Variants in NOTCH2 observed in about 807,000 individuals in gnomAD.
NOTCH2 encodes the protein notch receptor 2.
Under a neutral mutation model 235.8 loss-of-function variants are expected in NOTCH2, and 29 were observed. That is an observed-to-expected ratio of 0.12 (90% CI 0.09 to 0.17). The LOEUF (loss-of-function observed/expected upper bound fraction) is 0.17, where lower values mean the gene tolerates loss of function less well. Among genes scored for constraint, NOTCH2 ranks in the 10% least tolerant of loss-of-function variants. The probability of loss-of-function intolerance (pLI) is 1.00; values close to 1 mark genes in which losing one functional copy is unlikely to be tolerated. For synonymous variants in NOTCH2, 1,086 were observed against 1,141.5 expected (o/e 0.95, Z 0.98); for missense variants, 2,285 against 3,150.2 (o/e 0.73, Z 6.57).
chr1:119,956,079 G>C (rs1243732996), intron 12 of NOTCH2, among the ~76,000 whole-genome samples: 1 of 152,194 alleles, frequency 6.6e-6, no homozygotes, highest in Admixed American at 6.5e-5. Context: ...CTGGGAGTAA[G>C]TGAAATTGAA....
At chr1:119,926,298 C>T (rs781752879) in intron 24 of NOTCH2, among the ~76,000 whole-genome samples, 1 of 152,214 alleles carries the variant, frequency 6.6e-6, no homozygotes, top group Non-Finnish European at 1.5e-5. Flanking sequence ...AGTGTCTAAA[C>T]AGCTTTTATT....
intron 5 of NOTCH2, among the ~76,000 whole-genome samples, chr1:119,983,730 T>C (rs587659052): frequency 3.3e-5 from 5 of 152,302 alleles, no homozygotes; most frequent in Admixed American, 1.3e-4. Flanking sequence ...AAACCATGAA[T>C]AGAGCTGGAA....
chr1:119,996,890 A>C (rs1214551840), intron 4 of NOTCH2, 107 bp downstream of exon 4: 3 of 1,377,430 alleles, frequency 2.2e-6, no homozygotes, highest in Non-Finnish European at 3.1e-6. Context: ...CAAAATTCTC[A>C]CTTCCCTTTT....
chr1:119,953,366 G>A (rs1650559168), intron 14 of NOTCH2, among the ~76,000 whole-genome samples, 177 bp downstream of exon 14: 1 of 152,078 alleles, frequency 6.6e-6, no homozygotes, highest in Non-Finnish European at 1.5e-5. Flanking sequence ...TAGGCTGAAG[G>A]TAGAAATTGT....
intron 2 of NOTCH2, among the ~76,000 whole-genome samples, chr1:120,011,597 G>T (rs1218333604): frequency 6.6e-6 from 1 of 151,942 alleles, no homozygotes; most frequent in African/African-American, 2.4e-5. Flanking sequence ...TATTTTCTAA[G>T]TACTTAACTA....
chr1:119,956,685 T>C (rs1650714240), intron 12 of NOTCH2, among the ~76,000 whole-genome samples: 2 of 152,236 alleles, frequency 1.3e-5, no homozygotes, highest in East Asian at 1.9e-4. Flanking sequence ...GCCCGTAATA[T>C]AGTGAAGGAT....
intron 5 of NOTCH2, among the ~76,000 whole-genome samples, chr1:119,977,472 T>C (rs1570709451): frequency 6.6e-6 from 1 of 152,248 alleles, no homozygotes; most frequent in African/African-American, 2.4e-5. Flanking sequence ...AAACCTGAGT[T>C]TTCCCTAAAC....
Position 119,941,546 on chromosome 1 carries a change from G to A in NOTCH2, c.2961C>T (p.Asn987=). ...AGFDGVHCEN[N]INECTESSCF... ...CTCACCTCTCAGTGCACTCATTGATGTTGTTCTCACAATGGACTCCATCAA... is the reference window on the plus strand; with the variant it reads ...CTCACCTCTCAGTGCACTCATTGATATTGTTCTCACAATGGACTCCATCAA... The change falls in exon 18 of 34, where the codon AAC becomes AAT. Residue 987 remains asparagine, a synonymous_variant. Transcript: ENST00000256646. The A allele has an allele frequency of 6.2e-7, 1 of 1,613,704 alleles. No individual in the cohort carries two copies. The highest frequency in any genetic ancestry group is 2.2e-5 in the East Asian group (1 of 44,876).
At chr1:119,958,114 C>A (rs1650779448) in intron 12 of NOTCH2, among the ~76,000 whole-genome samples, 1 of 152,208 alleles carries the variant, frequency 6.6e-6, no homozygotes, top group African/African-American at 2.4e-5. Flanking sequence ...GTATTACCCA[C>A]TTATCAACAA....
chr1:119,923,242 G>A (rs1453542230), intron 26 of NOTCH2, among the ~76,000 whole-genome samples: 1 of 152,166 alleles, frequency 6.6e-6, no homozygotes, highest in Non-Finnish European at 1.5e-5. Context: ...CAAAGAGTGA[G>A]GTGTGAATGA....
In NOTCH2 at chr1:119,925,687, C is replaced by A. The variant is rs1368507640; in HGVS notation, c.4129G>T (p.Gly1377Cys). ...TGCTGGCAGGGGCTACTGGCACAGC[C>A]TGACTCGCAGTCCCGGGGACTGGGG... is the stretch of plus-strand genomic sequence containing the variant. ...FCPSPRDCESGCASSPCQHGG... is the reference protein window; with the variant it reads ...FCPSPRDCESCCASSPCQHGG... Residue 1377 changes from glycine (G) to cysteine (C), a missense_variant, in exon 25 of 34, where the codon GGC (glycine) becomes TGC (cysteine). Physicochemically the swap from Gly to Cys is radical, Grantham distance 159 (BLOSUM62 -3). This residue lies in a region of NOTCH2 where 1,173 missense variants were observed against 1,515.3 expected (regional missense o/e 0.77). Coordinates refer to ENST00000256646, the MANE Select transcript of NOTCH2 (RefSeq NM_024408.4). 4 of 1,612,334 alleles carry A rather than the reference C, an allele frequency of 2.5e-6. No homozygotes were observed. Among genetic ancestry groups the A allele is most frequent in the Non-Finnish European group, 2.5e-6 (3 of 1,178,660 alleles).
At chr1:119,986,448 T>C (rs976792504) in intron 5 of NOTCH2, among the ~76,000 whole-genome samples, 14 of 152,096 alleles carry the variant, frequency 9.2e-5, no homozygotes, top group African/African-American at 3.1e-4. Context: ...AAAAAACAAA[T>C]GTAGGATGCG....
intron 25 of NOTCH2, 124 bp downstream of exon 25, chr1:119,925,181 C>T (rs1022446483): frequency 2.5e-6 from 3 of 1,216,600 alleles, no homozygotes. Context: ...TGGGACAAGG[C>T]TGGCACCATC....
Position 119,946,443 on chromosome 1 carries a change from G to A in NOTCH2, c.2752+1971C>T, listed in dbSNP as rs906577021. ...AATCAAATCCAATAATACATAAAAGGAATAACACATAATGACCAAGTGGAA... is the reference window on the plus strand; with the variant it reads ...AATCAAATCCAATAATACATAAAAGAAATAACACATAATGACCAAGTGGAA... On this transcript the variant is annotated intron_variant, in intron 17 of 33. Transcript: ENST00000256646. 5.3e-5 allele frequency among the ~76,000 whole-genome samples: 8 copies of A among 152,056 alleles called. No individual in the cohort carries two copies. The East Asian group carries it at 1.5e-3, about 29-fold the overall frequency.
intron 1 of NOTCH2, among the ~76,000 whole-genome samples, chr1:120,040,909 C>T (rs1402331600): frequency 2.0e-5 from 3 of 149,234 alleles, no homozygotes; most frequent in Admixed American, 6.6e-5. Flanking sequence ...GGCATGGTGG[C>T]GGGTGCCTGT....
chr1:120,023,461 A>G (rs1264823558), intron 2 of NOTCH2, among the ~76,000 whole-genome samples: 72 of 137,530 alleles, frequency 5.2e-4, no homozygotes, highest in Non-Finnish European at 1.0e-3. Context: ...ACAAAAAACT[A>G]TGTCCTCTTC....
Position 119,937,380 on chromosome 1 carries a change from T to C in NOTCH2, c.3424A>G (p.Thr1142Ala). ...THYCQCPLGYTGSYCEEQLDE... is the reference protein window; with the variant it reads ...THYCQCPLGYAGSYCEEQLDE... Reference sequence around the variant, plus strand: ...AGTTGCTCCTCACAGTAGCTCCCAGTATAGCCCAGGGGGCACTGACAGTAA... The same window carrying C: ...AGTTGCTCCTCACAGTAGCTCCCAGCATAGCCCAGGGGGCACTGACAGTAA... Residue 1142 changes from threonine to alanine, a missense_variant, in exon 21 of 34, where the codon ACT (threonine) becomes GCT (alanine). Transcript: ENST00000256646. The C allele has an allele frequency of 6.2e-7, 1 of 1,614,110 alleles. No homozygotes were observed. Among genetic ancestry groups the C allele is most frequent in the Non-Finnish European group, 8.5e-7 (1 of 1,180,028 alleles).
At chr1:120,065,566 A>G (rs188893674) in intron 1 of NOTCH2, among the ~76,000 whole-genome samples, 28 of 152,332 alleles carry the variant, frequency 1.8e-4, no homozygotes, top group African/African-American at 6.7e-4. Context: ...TGGCTCTGTG[A>G]CCATGAACAA....
chr1:120,063,406 G>A (rs1233219821), intron 1 of NOTCH2, among the ~76,000 whole-genome samples: 2 of 151,556 alleles, frequency 1.3e-5, no homozygotes, highest in Non-Finnish European at 3.0e-5. Flanking sequence ...GAATTCTTTA[G>A]TGGACACCAA....
Sources: allele counts gnomAD v4.1 joint callset (sites outside exome capture counted in the v4.1 genomes callset), GRCh38; gene constraint gnomAD v4.1.1; regional missense constraint gnomAD v4.1.1; transcripts MANE v1.5; gene names NCBI Gene and HGNC (gene_info 2026-07-23, HGNC 2026-07-21).